PELI3: variants seen among roughly 807,000 people sequenced by gnomAD.
The protein encoded by PELI3 is pellino E3 ubiquitin protein ligase family member 3.
In PELI3, 19 loss-of-function variants were observed where a neutral mutation model predicts 35.5. The observed-to-expected ratio is 0.54, with a 90% CI of 0.37 to 0.79. The LOEUF (loss-of-function observed/expected upper bound fraction) is 0.79, where lower values mean the gene tolerates loss of function less well. Ranked by LOEUF, PELI3 falls within the 30% of genes least tolerant of loss-of-function variation. The pLI, the probability that PELI3 is intolerant of heterozygous loss-of-function variation, is 0.00. For synonymous variants in PELI3, 262 were observed against 279.2 expected, an observed-to-expected ratio of 0.94 and a Z score of 0.62; for missense variants, 490 against 661.2, an observed-to-expected ratio of 0.74 and a Z score of 2.84.
In PELI3 at chr11:66,466,931, C is replaced by CGCCGCGG. The variant is rs890139487; in HGVS notation, c.-93_-87dup. On this transcript the variant is annotated 5_prime_UTR_variant, in exon 1 of 8. Coordinates refer to ENST00000320740, the MANE Select transcript of PELI3 (RefSeq NM_145065.3). ...TCCCCGTGACGAGGCAGCGCGGAGC[C>CGCCGCGG]GCCGCGGGCCGGGCCCATCCCGCCG... 5.3e-5 allele frequency: 8 copies of CGCCGCGG among 150,886 alleles called. No homozygotes were observed. Among genetic ancestry groups the CGCCGCGG allele is most frequent in the African/African-American group, 1.9e-4 (8 of 41,298 alleles). 9.3% of individuals were successfully genotyped at this position (150,886 alleles called of 1,614,324 possible).
At chr11:66,466,473 C>G (rs7925093), upstream of PELI3, 100,580 of 152,360 alleles carry the variant, frequency 0.66, 35,094 homozygotes, top group African/African-American at 0.9. Flanking sequence ...GCTGGGGGTG[C>G]GTAGTCCCGG....
intron 7 of PELI3, chr11:66,474,716 T>C (rs1854841060): frequency 6.6e-6 from 1 of 152,096 alleles, no homozygotes; most frequent in South Asian, 2.1e-4. Flanking sequence ...AACTGATTGA[T>C]CCATTTATTT....
chr11:66,469,444 C>T (rs1205410803), intron 3 of PELI3, among the ~76,000 whole-genome samples: 1 of 152,210 alleles, frequency 6.6e-6, no homozygotes, highest in Non-Finnish European at 1.5e-5. Flanking sequence ...AAGCCAGGCC[C>T]ATCTGTGTCC....
intron 7 of PELI3, chr11:66,474,180 C>T: frequency 3.0e-6 from 2 of 663,346 alleles, no homozygotes; most frequent in Non-Finnish European, 5.4e-6. Context: ...TCAAGGCACA[C>T]ACAGACATAC....
intron 3 of PELI3, among the ~76,000 whole-genome samples, chr11:66,469,807 T>G (rs561118035): frequency 2.4e-4 from 35 of 146,804 alleles, no homozygotes; most frequent in African/African-American, 6.1e-4. Context: ...TTTTTTTGTT[T>G]TTTTTTTTTT....
In PELI3 at chr11:66,476,471, C is replaced by A; in HGVS notation, c.*304C>A. 1 of 430,124 alleles carries A rather than the reference C, an allele frequency of 2.3e-6. No individual in the cohort carries two copies. The allele number at this position is 430,124 out of a possible 1,614,324, so 26.6% of individuals were successfully genotyped here. A position where few individuals can be genotyped will look rare whatever the true frequency, so the allele number is the denominator to read the frequency against. On this transcript the variant is annotated 3_prime_UTR_variant, in exon 8 of 8. Transcript: ENST00000320740. The stretch of plus-strand genomic sequence containing the variant: ...CATCGTGCCGCCGACACTGTGTGCC[C>A]CTGGGGGAGTGAAGGGGCCAGGGGC...
chr11:66,468,806 CATT>C (rs759494772), intron 2 of PELI3, 24 bp from the exon 3 acceptor site: 10 of 778,290 alleles, frequency 1.3e-5, no homozygotes, highest in Admixed American at 3.4e-5. Context: ...CTTTCATGGA[CATT>C]ATTTCATTTC....
Position 66,472,480 on chromosome 11 carries a change from G to C in PELI3, c.456+10G>C. The C allele has an allele frequency of 6.2e-7, 1 of 1,610,152 alleles. No homozygotes were observed. Among genetic ancestry groups the C allele is most frequent in the Non-Finnish European group, 8.5e-7 (1 of 1,176,428 alleles). ...CACAGACATGTTCCAGGTATGCTCAGGCCTCTCCACACACCTCCTGGCCAC... is the reference window on the plus strand; with the variant it reads ...CACAGACATGTTCCAGGTATGCTCACGCCTCTCCACACACCTCCTGGCCAC... On this transcript the variant is annotated intron_variant, in intron 5 of 7. Coordinates refer to ENST00000320740, the MANE Select transcript of PELI3 (RefSeq NM_145065.3).
rs1262634737 is a variant in PELI3, at chr11:66,467,629, T to G, written c.-1-499T>G. ...GAGAGACGGCAAAAAGGACAGCGGC[T>G]GGGAGGACAGAGAGTCATTGAGAAA... is the stretch of plus-strand genomic sequence containing the variant. On this transcript the variant is annotated intron_variant, in intron 1 of 7. Coordinates refer to ENST00000320740, the MANE Select transcript of PELI3 (RefSeq NM_145065.3). The surrounding 1 kb of genome is among the most constrained non-coding windows in gnomAD (Gnocchi z 4.2). The G allele has an allele frequency of 6.5e-6, 1 of 153,616 alleles. No homozygotes were observed. The highest frequency in any genetic ancestry group is 2.4e-5 in the African/African-American group (1 of 41,334). 9.5% of individuals were successfully genotyped at this position (153,616 alleles called of 1,614,324 possible).
chr11:66,473,501 A>G lies in PELI3; in HGVS notation c.651+66A>G. 2.7e-6 allele frequency: 4 copies of G among 1,508,478 alleles called. No individual in the cohort carries two copies. 93.4% of individuals were successfully genotyped at this position (1,508,478 alleles called of 1,614,324 possible). A position where few individuals can be genotyped will look rare whatever the true frequency, so the allele number is the denominator to read the frequency against. On this transcript the variant is annotated intron_variant, in intron 6 of 7. Coordinates refer to ENST00000320740, the MANE Select transcript of PELI3 (RefSeq NM_145065.3). This position sits in a 1 kb window ranked among gnomAD's most constrained non-coding sequence, Gnocchi z 5.8. Reference sequence around the variant, plus strand: ...GGCAAGGGGTAGGCTTGGGAGGTGCAGCATCTTGAGGTGATGAACCAGCCC... The same window carrying G: ...GGCAAGGGGTAGGCTTGGGAGGTGCGGCATCTTGAGGTGATGAACCAGCCC...
Position 66,468,876 on chromosome 11 carries a change from G to A in PELI3, c.196G>A (p.Glu66Lys), listed in dbSNP as rs534540623. 2.6e-6 allele frequency: 2 copies of A among 778,120 alleles called. No individual in the cohort carries two copies. The highest frequency in any genetic ancestry group is 2.7e-5 in the South Asian group (2 of 74,200). 48.2% of individuals were successfully genotyped at this position (778,120 alleles called of 1,614,324 possible). The part of the protein sequence containing the change: ...GGEETEAQRG[E>K]VTGPRAHSCY... ...TGAGGAAACCGAGGCTCAGAGAGGG[G>A]AAGTGACTGGCCCAAGGGCACACAG... Residue 66 changes from glutamate (E) to lysine (K), a missense_variant, in exon 3 of 8, where the codon GAA becomes AAA. Physicochemically the swap from Glu to Lys is moderately conservative, Grantham distance 56 (BLOSUM62 1). Around this residue, in one of 3 missense-constraint regions of PELI3, gnomAD observed 137 missense variants for 157.1 expected, o/e 0.87. Transcript: ENST00000320740.
chr11:66,474,718 CATTTATTT>C (rs776187831), intron 7 of PELI3: 4 of 151,942 alleles, frequency 2.6e-5, no homozygotes, highest in African/African-American at 9.7e-5. Context: ...CTGATTGATC[CATTTATTT>C]ATTTATTTAT....
chr11:66,473,462 C>A lies in PELI3; in HGVS notation c.651+27C>A. 6.3e-7 allele frequency: 1 copy of A among 1,589,726 alleles called. No homozygotes were observed. Among genetic ancestry groups the A allele is most frequent in the South Asian group, 1.1e-5 (1 of 88,786 alleles). ...TGAGTGAGCCCCAGGAAGGGACCAA[C>A]TCTTCATCTGTGAGGCAAGGGGTAG... On this transcript the variant is annotated intron_variant, in intron 6 of 7. Transcript: ENST00000320740. The surrounding 1 kb of genome is among the most constrained non-coding windows in gnomAD (Gnocchi z 5.8).
intron 3 of PELI3, among the ~76,000 whole-genome samples, chr11:66,469,236 G>T (rs1202250058): frequency 6.9e-6 from 1 of 144,092 alleles, no homozygotes; most frequent in African/African-American, 2.6e-5. Context: ...ATGGCTGTTT[G>T]TTGACACATG....
At chr11:66,474,242 CCTT>C (rs1258942880) in intron 7 of PELI3, 27 of 604,882 alleles carry the variant, frequency 4.5e-5, no homozygotes, top group East Asian at 1.7e-4. Flanking sequence ...AAAAATCACA[CCTT>C]CTTATGAGAG....
rs1461227391 is a variant in PELI3 at position 66,471,369 on chromosome 11, A to G, written c.352A>G (p.Lys118Glu). ...MHHISTPLVSKALSNRGQHSI... is the reference protein window; with the variant it reads ...MHHISTPLVSEALSNRGQHSI... ...CCACATCTCCACGCCGCTCGTCTCC[A>G]AGGCAAGCAACTGACCCATAGACCT... Residue 118 changes from lysine to glutamate, a missense_variant and splice_region_variant, in exon 4 of 8, where the codon AAG (lysine) becomes GAG (glutamate). This residue lies in a region of PELI3 where 137 missense variants were observed against 157.1 expected (regional missense o/e 0.87). Transcript: ENST00000320740. 6.2e-7 allele frequency: 1 copy of G among 1,613,806 alleles called. No homozygotes were observed. The highest frequency in any genetic ancestry group is 2.2e-5 in the East Asian group (1 of 44,846).
Position 66,475,953 on chromosome 11 carries a change from G to A in PELI3, c.1196G>A (p.Gly399Asp). The A allele has an allele frequency of 6.2e-7, 1 of 1,611,568 alleles. No individual in the cohort carries two copies. The highest frequency in any genetic ancestry group is 8.5e-7 in the Non-Finnish European group (1 of 1,179,586). ...LVGPYVPLWLGQEAGLCLDPG... is the reference protein window; with the variant it reads ...LVGPYVPLWLDQEAGLCLDPG... ...GGGCCTTATGTGCCTCTATGGCTTG[G>A]CCAGGAGGCCGGCCTCTGCCTGGAC... Residue 399 changes from glycine (G) to aspartate (D), a missense_variant, in exon 8 of 8, where the codon GGC becomes GAC. Around this residue, in one of 3 missense-constraint regions of PELI3, gnomAD observed 349 missense variants for 484.8 expected, o/e 0.72. Coordinates refer to ENST00000320740, the MANE Select transcript of PELI3 (RefSeq NM_145065.3).
At position 66,467,638 on chromosome 11, in the gene PELI3, A is replaced by G; in HGVS notation, c.-1-490A>G. On this transcript the variant is annotated intron_variant, in intron 1 of 7. Transcript: ENST00000320740. The surrounding 1 kb of genome is among the most constrained non-coding windows in gnomAD (Gnocchi z 4.2). The stretch of plus-strand genomic sequence containing the variant: ...CAAAAAGGACAGCGGCTGGGAGGAC[A>G]GAGAGTCATTGAGAAAGCAGATGGA... The G allele has an allele frequency of 6.5e-6, 1 of 154,140 alleles. No homozygotes were observed. The highest frequency in any genetic ancestry group is 1.4e-5 in the Non-Finnish European group (1 of 69,182). The allele number at this position is 154,140 out of a possible 1,614,324, so 9.5% of individuals were successfully genotyped here.
chr11:66,467,704 G>T lies in PELI3; in HGVS notation c.-1-424G>T. 6.1e-6 allele frequency: 1 copy of T among 164,324 alleles called. No homozygotes were observed. The highest frequency in any genetic ancestry group is 1.3e-5 in the Non-Finnish European group (1 of 76,180). 10.2% of individuals were successfully genotyped at this position (164,324 alleles called of 1,614,324 possible). A position where few individuals can be genotyped will look rare whatever the true frequency, so the allele number is the denominator to read the frequency against. On this transcript the variant is annotated intron_variant, in intron 1 of 7. Transcript: ENST00000320740. This position sits in a 1 kb window ranked among gnomAD's most constrained non-coding sequence, Gnocchi z 4.2. ...ACCTCAAAGGGGCAAGAAAGATTCA[G>T]ATGGACAGGTAGATTCAAAGAACCT...
Sources: gnomAD v4.1 joint callset for allele counts (sites outside exome capture counted in the v4.1 genomes callset) on GRCh38, gnomAD v4.1.1 for gene constraint, gnomAD v4.1.1 regional missense constraint, Gnocchi (gnomAD v3.1) non-coding constraint, MANE v1.5 for transcripts, NCBI Gene and HGNC (gene_info 2026-07-23, HGNC 2026-07-21) for gene names.